The following LEMD1 variants were observed in gnomAD, a reference collection of about 807,000 sequenced individuals.
LEMD1 encodes the protein LEM domain-containing protein 1.
In LEMD1, 18 loss-of-function variants were observed where a neutral mutation model predicts 17.4. The observed-to-expected ratio is 1.04, with a 90% CI of 0.72 to 1.54. The LOEUF (loss-of-function observed/expected upper bound fraction) is 1.54, where lower values mean the gene tolerates loss of function less well. Among genes scored for constraint, LEMD1 ranks in the 40% most tolerant of loss-of-function variants. The pLI, the probability that LEMD1 is intolerant of heterozygous loss-of-function variation, is 0.00. For synonymous variants in LEMD1, 88 were observed against 77.8 expected, an observed-to-expected ratio of 1.13 and a Z score of -0.69; for missense variants, 195 against 210.4, an observed-to-expected ratio of 0.93 and a Z score of 0.45.
chr1:205,418,189 C>A (rs2102433923), intron 3 of LEMD1, among the ~76,000 whole-genome samples: 1 of 152,302 alleles, frequency 6.6e-6, no homozygotes, highest in Admixed American at 6.5e-5. Context: ...GAGCATTCGG[C>A]CCAGGTTGCA....
intron 4 of LEMD1, among the ~76,000 whole-genome samples, chr1:205,413,447 T>C (rs576493373): frequency 9.2e-4 from 139 of 151,102 alleles, no homozygotes; most frequent in African/African-American, 3.2e-3. Flanking sequence ...CATCACCATG[T>C]ACAGTTAATT....
chr1:205,390,120 C>T (rs1031642869), intron 4 of LEMD1, among the ~76,000 whole-genome samples: 12 of 152,062 alleles, frequency 7.9e-5, no homozygotes, highest in African/African-American at 1.9e-4. Flanking sequence ...TTTGGGAGGA[C>T]GAGTCAGGTG....
chr1:205,389,204 ATGCC>A (rs1664214255), intron 4 of LEMD1, among the ~76,000 whole-genome samples: 1 of 151,868 alleles, frequency 6.6e-6, no homozygotes. Context: ...GCATGCCACC[ATGCC>A]TGGCTAATTT....
chr1:205,411,667 AAAGAAAAGAAAG>A (rs1417428984), intron 4 of LEMD1, among the ~76,000 whole-genome samples: 2 of 136,714 alleles, frequency 1.5e-5, no homozygotes, highest in African/African-American at 2.7e-5. Flanking sequence ...AGAAAGAAAG[AAAGAAAAGAAAG>A]AAAGAAAGAA....
intron 1 of LEMD1, among the ~76,000 whole-genome samples, chr1:205,444,403 C>A (rs1666349071): frequency 2.0e-5 from 3 of 151,996 alleles, no homozygotes; most frequent in African/African-American, 7.3e-5. Context: ...GGGAGCCAAG[C>A]AGAAGAGATG....
chr1:205,393,809 T>C (rs982425259), intron 4 of LEMD1, among the ~76,000 whole-genome samples: 9 of 146,650 alleles, frequency 6.1e-5, no homozygotes, highest in African/African-American at 1.8e-4. Flanking sequence ...GAAAGTCAGA[T>C]ATAGAATTAT....
At chr1:205,439,124 T>G (rs1666253275) in intron 1 of LEMD1, among the ~76,000 whole-genome samples, 1 of 152,212 alleles carries the variant, frequency 6.6e-6, no homozygotes. Context: ...CTCTGGCCTC[T>G]GTATCAAGGT....
At chr1:205,407,289 C>A (rs530301784) in intron 4 of LEMD1, among the ~76,000 whole-genome samples, 1 of 143,514 alleles carries the variant, frequency 7.0e-6, no homozygotes, top group Admixed American at 7.2e-5. Flanking sequence ...GAAATCGCAC[C>A]ATTGCACTCC....
At chr1:205,410,375 G>A (rs1267833754) in intron 4 of LEMD1, among the ~76,000 whole-genome samples, 3 of 152,112 alleles carry the variant, frequency 2.0e-5, no homozygotes, top group African/African-American at 7.2e-5. Flanking sequence ...TGACTCACAG[G>A]CTGAGATCCA....
intron 4 of LEMD1, among the ~76,000 whole-genome samples, chr1:205,395,885 T>A (rs1664570455): frequency 6.6e-6 from 1 of 152,160 alleles, no homozygotes; most frequent in South Asian, 2.1e-4. Flanking sequence ...TGTGAAAAGA[T>A]GCCCAAACTT....
At chr1:205,429,000 C>T (rs1218437322) in intron 1 of LEMD1, among the ~76,000 whole-genome samples, 1 of 152,168 alleles carries the variant, frequency 6.6e-6, no homozygotes, top group African/African-American at 2.4e-5. Context: ...CCCTCACAGC[C>T]TTTCAAAGTG....
Position 205,441,184 on chromosome 1 carries a change from G to C in LEMD1, c.-39+8684C>G, listed in dbSNP as rs1666288198. 1 of 152,264 alleles carries C rather than the reference G, an allele frequency of 6.6e-6. No individual in the cohort carries two copies. The highest frequency in any genetic ancestry group is 1.5e-5 in the Non-Finnish European group (1 of 68,128). The allele number at this position is 152,264 out of a possible 1,614,324, so 9.4% of individuals were successfully genotyped here. On this transcript the variant is annotated intron_variant, in intron 1 of 3. Transcript: ENST00000367154. This position sits in a 1 kb window ranked among gnomAD's most constrained non-coding sequence, Gnocchi z 4.3. Reference sequence around the variant, plus strand: ...CCAGTCATTGCCACTCCCTGAGGCGGCCCGCTAGGTCTCTCACACCGGCTG... The same window carrying C: ...CCAGTCATTGCCACTCCCTGAGGCGCCCCGCTAGGTCTCTCACACCGGCTG...
At chr1:205,412,710 C>T (rs1320714429) in intron 4 of LEMD1, among the ~76,000 whole-genome samples, 1 of 152,112 alleles carries the variant, frequency 6.6e-6, no homozygotes, top group East Asian at 1.9e-4. Flanking sequence ...GTCTTGAGGC[C>T]CTTCTGAGAA....
intron 1 of LEMD1, among the ~76,000 whole-genome samples, chr1:205,434,547 C>T (rs2102456589): frequency 6.6e-6 from 1 of 152,114 alleles, no homozygotes; most frequent in South Asian, 2.1e-4. Flanking sequence ...ACCACCTTCC[C>T]TGTTCCCCAC....
At chr1:205,428,431 C>T (rs376493632) in intron 1 of LEMD1, among the ~76,000 whole-genome samples, 3 of 152,140 alleles carry the variant, frequency 2.0e-5, no homozygotes, top group East Asian at 3.9e-4. Context: ...TTTCCTGAAC[C>T]CTACCACATG....
At chr1:205,444,751 A>G (rs1024143974) in intron 1 of LEMD1, among the ~76,000 whole-genome samples, 2 of 152,088 alleles carry the variant, frequency 1.3e-5, no homozygotes, top group African/African-American at 2.4e-5. Context: ...CTAGGAAGCT[A>G]TTTAAAAGTG....
intron 2 of LEMD1, 124 bp from the exon 3 acceptor site, chr1:205,419,476 TTTTA>T: frequency 8.8e-7 from 1 of 1,132,392 alleles, no homozygotes; most frequent in Admixed American, 2.1e-5. Context: ...TAATTATGGC[TTTTA>T]TTTGAGACAG....
chr1:205,424,451 G>A (rs1666030149), upstream of LEMD1, among the ~76,000 whole-genome samples: 1 of 152,194 alleles, frequency 6.6e-6, no homozygotes, highest in South Asian at 2.1e-4. Context: ...TCTCCTGTGG[G>A]ATAGGGGTTA....
intron 4 of LEMD1, among the ~76,000 whole-genome samples, chr1:205,408,745 C>A (rs1236069815): frequency 5.3e-5 from 8 of 151,930 alleles, no homozygotes; most frequent in Non-Finnish European, 1.0e-4. Flanking sequence ...AGTGATCCTC[C>A]CTCCTTGACC....
Sources: allele counts gnomAD v4.1 joint callset (sites outside exome capture counted in the v4.1 genomes callset), GRCh38; gene constraint gnomAD v4.1.1; non-coding constraint Gnocchi (gnomAD v3.1); transcripts MANE v1.5; gene names NCBI Gene and HGNC (gene_info 2026-07-23, HGNC 2026-07-21).